TENM1: variants seen among roughly 807,000 people sequenced by gnomAD.
The protein encoded by TENM1 is teneurin-1.
TENM1 carries 35 observed loss-of-function variants against 174.8 expected under a neutral mutation model. The ratio of observed to expected loss-of-function variants is 0.20; its 90% CI spans 0.15 to 0.27. The LOEUF (loss-of-function observed/expected upper bound fraction) is 0.27. Among genes scored for constraint, TENM1 ranks in the 10% least tolerant of loss-of-function variants. The pLI is 1.00. For synonymous variants in TENM1, 781 were observed against 798.7 expected, an observed-to-expected ratio of 0.98 and a Z score of 0.37; for missense variants, 1,633 against 2,130.1, an observed-to-expected ratio of 0.77 and a Z score of 4.59.
intron 6 of TENM1, among the ~76,000 whole-genome samples, chrX:124,666,515 CAAACA>C (rs1367073205): frequency 9.0e-6 from 1 of 111,618 alleles, no homozygotes; most frequent in Non-Finnish European, 1.9e-5. Context: ...TGACAACAAA[CAAACA>C]AAAGTCCAAA....
At chrX:124,825,603 G>T (rs2056141588) in intron 3 of TENM1, among the ~76,000 whole-genome samples, 1 of 112,058 alleles carries the variant, frequency 8.9e-6, no homozygotes, top group Non-Finnish European at 1.9e-5. Flanking sequence ...ATAAAGAAAA[G>T]AAGCAAGCAT....
chrX:124,829,134 G>C (rs1195573882), intron 3 of TENM1, among the ~76,000 whole-genome samples: 1 of 111,617 alleles, frequency 9.0e-6, no homozygotes, highest in East Asian at 2.8e-4. Context: ...CTGCCATCCT[G>C]GGCTAACAGC....
the TENM1 span, among the ~76,000 whole-genome samples, chrX:125,197,265 A>G: frequency 8.9e-6 from 1 of 112,278 alleles, no homozygotes; most frequent in Non-Finnish European, 1.9e-5. Context: ...ATATAAATGC[A>G]TAGAAATTCT....
intron 11 of TENM1, among the ~76,000 whole-genome samples, chrX:124,641,070 G>A (rs1199195147): frequency 9.0e-6 from 1 of 110,970 alleles, no homozygotes; most frequent in Non-Finnish European, 1.9e-5. Flanking sequence ...ATTTCACTAG[G>A]TGGAAGTACA....
the TENM1 span, among the ~76,000 whole-genome samples, chrX:125,102,189 C>G: frequency 6.4e-5 from 7 of 109,588 alleles, no homozygotes; most frequent in East Asian, 2.9e-4. Flanking sequence ...TCCATCACCC[C>G]CTAATGTTCA....
intron 18 of TENM1, among the ~76,000 whole-genome samples, chrX:124,507,041 A>G (rs1373657878): frequency 9.0e-6 from 1 of 111,126 alleles, no homozygotes; most frequent in African/African-American, 3.3e-5. Flanking sequence ...GATCATCAAC[A>G]TAGCATGGTA....
chrX:125,201,806 C>T, the TENM1 span, among the ~76,000 whole-genome samples: 6 of 111,576 alleles, frequency 5.4e-5, no homozygotes, highest in Admixed American at 1.9e-4. Flanking sequence ...TCTTAAAAAC[C>T]CCAACTTTGC....
chrX:124,661,912 G>GTAA lies in TENM1; in HGVS notation c.1169-8132_1169-8130dup, dbSNP rs772952929. Among the ~76,000 whole-genome samples, 7 of 110,702 alleles carry GTAA rather than the reference G, an allele frequency of 6.3e-5. No homozygotes were observed. The East Asian group carries it at 8.6e-4, about 14-fold the overall frequency. On this transcript the variant is annotated intron_variant, in intron 6 of 31. Transcript: ENST00000422452. ...TCACAGACAAAACCCATGTCAGAGA[G>GTAA]TAATAATAATAATAATAGATGCTAC...
At chrX:124,849,245 C>T (rs961704705) in intron 3 of TENM1, among the ~76,000 whole-genome samples, 5 of 111,148 alleles carry the variant, frequency 4.5e-5, no homozygotes, top group African/African-American at 1.6e-4. Context: ...AGATGGCCAC[C>T]ATATTTATGC....
chrX:125,007,349 GA>G, the TENM1 span, among the ~76,000 whole-genome samples: 3,472 of 97,252 alleles, frequency 0.036, 138 homozygotes, highest in African/African-American at 0.12. Context: ...AAAGGAACGA[GA>G]AAAAAAAAAA....
At chrX:125,005,642 T>C in the TENM1 span, among the ~76,000 whole-genome samples, 71 of 110,287 alleles carry the variant, frequency 6.4e-4, no homozygotes, top group South Asian at 0.028. Context: ...GTGAGACCAA[T>C]GCAGAGGCGG....
At chrX:124,665,164 C>T (rs757312579) in intron 6 of TENM1, among the ~76,000 whole-genome samples, 16 of 111,349 alleles carry the variant, frequency 1.4e-4, no homozygotes, top group African/African-American at 4.9e-4. Flanking sequence ...ATGAAGAAAC[C>T]CTGTCTCCAT....
intron 27 of TENM1, among the ~76,000 whole-genome samples, chrX:124,395,347 T>C (rs2060321701): frequency 9.0e-6 from 1 of 111,201 alleles, no homozygotes; most frequent in East Asian, 2.8e-4. Flanking sequence ...CTTTCCTTTT[T>C]AAACCTCTTT....
intron 6 of TENM1, among the ~76,000 whole-genome samples, chrX:124,659,883 T>C (rs1012432703): frequency 9.0e-6 from 1 of 111,271 alleles, no homozygotes; most frequent in African/African-American, 3.3e-5. Context: ...GGGGAAAGAA[T>C]AATACTTTCA....
intron 19 of TENM1, among the ~76,000 whole-genome samples, chrX:124,498,969 C>T (rs916301605): frequency 9.0e-6 from 1 of 111,014 alleles, no homozygotes; most frequent in African/African-American, 3.3e-5. Flanking sequence ...ATTTTGCAAA[C>T]CTGCTGAGCC....
At chrX:125,059,527 T>C in the TENM1 span, among the ~76,000 whole-genome samples, 1 of 111,004 alleles carries the variant, frequency 9.0e-6, no homozygotes, top group East Asian at 2.9e-4. Flanking sequence ...AGTCCTCATG[T>C]TGTACATTAA....
chrX:124,446,359 G>T (rs1311141405), intron 23 of TENM1, among the ~76,000 whole-genome samples: 1 of 112,410 alleles, frequency 8.9e-6, no homozygotes, highest in African/African-American at 3.2e-5. Context: ...ACCTCTCAAG[G>T]GTGGTTGCAT....
intron 1 of TENM1, among the ~76,000 whole-genome samples, chrX:124,905,415 G>A (rs928531503): frequency 8.9e-6 from 1 of 111,933 alleles, no homozygotes; most frequent in Non-Finnish European, 1.9e-5. Context: ...CCATTCAGAG[G>A]AAAACATTAA....
At chrX:125,202,623 G>A in the TENM1 span, among the ~76,000 whole-genome samples, 2 of 110,903 alleles carry the variant, frequency 1.8e-5, 1 homozygote, top group Non-Finnish European at 3.8e-5. Context: ...AGCTGCCGAC[G>A]GCGAGTACGA....
Sources: gnomAD v4.1 joint callset for allele counts (sites outside exome capture counted in the v4.1 genomes callset) on GRCh38, gnomAD v4.1.1 for gene constraint, MANE v1.5 for transcripts, NCBI Gene and HGNC (gene_info 2026-07-23, HGNC 2026-07-21) for gene names.